STK3: variants seen among roughly 807,000 people sequenced by gnomAD.
The protein encoded by STK3 is serine/threonine-protein kinase 3.
STK3 carries 41 observed loss-of-function variants against 58.0 expected under a neutral mutation model. That is an observed-to-expected ratio of 0.71 (90% confidence interval 0.55 to 0.92). STK3 has a LOEUF of 0.92. Ranked by LOEUF, STK3 falls within the 40% of genes least tolerant of loss-of-function variation. The pLI is 0.00. For synonymous variants in STK3, 170 were observed against 191.0 expected (o/e 0.89, Z 0.91); for missense variants, 479 against 602.7 (o/e 0.79, Z 2.15).
chr8:98,433,231 G>T (rs762390301), intron 3 of STK3, among the ~76,000 whole-genome samples: 4 of 152,104 alleles, frequency 2.6e-5, no homozygotes, highest in Non-Finnish European at 5.9e-5. Flanking sequence ...AGACACCCCT[G>T]CAGGATTTTC....
At chr8:98,815,954 T>C (rs1834514270) in intron 1 of STK3, among the ~76,000 whole-genome samples, 2 of 152,200 alleles carry the variant, frequency 1.3e-5, no homozygotes, top group African/African-American at 2.4e-5. Flanking sequence ...TTAGACATTA[T>C]GATATTCCCA....
chr8:98,652,699 A>T (rs1821061400), intron 6 of STK3, among the ~76,000 whole-genome samples: 1 of 149,420 alleles, frequency 6.7e-6, no homozygotes, highest in Admixed American at 6.7e-5. Context: ...CTGATAAAAC[A>T]GACTTTAAAC....
intron 9 of STK3, among the ~76,000 whole-genome samples, chr8:98,542,909 T>C (rs1341583705): frequency 2.0e-5 from 3 of 152,214 alleles, no homozygotes; most frequent in Admixed American, 6.5e-5. Flanking sequence ...CTCTTCACTA[T>C]ACCACATCAT....
intron 1 of STK3, among the ~76,000 whole-genome samples, chr8:98,897,596 AAAAC>A (rs934696205): frequency 3.9e-4 from 60 of 152,264 alleles, no homozygotes; most frequent in African/African-American, 1.3e-3. Context: ...CTCCGTCTCA[AAAAC>A]AAACAAACAA....
chr8:98,684,523 A>G (rs1823852246), intron 6 of STK3, among the ~76,000 whole-genome samples: 1 of 152,198 alleles, frequency 6.6e-6, no homozygotes, highest in Non-Finnish European at 1.5e-5. Flanking sequence ...TGTTACTTCA[A>G]AAGCAACTTC....
intron 6 of STK3, among the ~76,000 whole-genome samples, chr8:98,600,565 G>A (rs1057201797): frequency 1.3e-5 from 2 of 152,200 alleles, no homozygotes; most frequent in African/African-American, 4.8e-5. Flanking sequence ...CTTAGCATAT[G>A]CTACCTCACA....
chr8:98,583,653 C>T (rs1159143993), intron 7 of STK3, among the ~76,000 whole-genome samples: 6 of 152,064 alleles, frequency 3.9e-5, no homozygotes, highest in Admixed American at 3.9e-4. Context: ...AGGTTATTTC[C>T]TTGAGAATAC....
intron 10 of STK3, among the ~76,000 whole-genome samples, chr8:98,507,794 C>T (rs1412359348): frequency 6.6e-6 from 1 of 152,284 alleles, no homozygotes; most frequent in African/African-American, 2.4e-5. Context: ...GGTCCCTCTA[C>T]TTGGAATGTT....
downstream of STK3, chr8:98,883,605 C>T: frequency 1.4e-6 from 1 of 697,872 alleles, no homozygotes. Flanking sequence ...ACCAAAACTG[C>T]TGCCTGGTCT....
chr8:98,910,544 T>C (rs1336552784), intron 1 of STK3, among the ~76,000 whole-genome samples: 3 of 152,210 alleles, frequency 2.0e-5, no homozygotes, highest in Non-Finnish European at 4.4e-5. Flanking sequence ...GACTTGAACA[T>C]ATGGTGACTC....
At chr8:98,617,596 A>T (rs189385164) in intron 6 of STK3, among the ~76,000 whole-genome samples, 1 of 152,290 alleles carries the variant, frequency 6.6e-6, no homozygotes, top group Admixed American at 6.5e-5. Flanking sequence ...AGAGAGGAAA[A>T]TCAAATCGAC....
intron 6 of STK3, among the ~76,000 whole-genome samples, chr8:98,609,122 A>G (rs1375474374): frequency 6.6e-6 from 1 of 152,214 alleles, no homozygotes; most frequent in Non-Finnish European, 1.5e-5. Flanking sequence ...TGCTCATACT[A>G]CATCACTGAT....
At chr8:98,876,844 T>A (rs1417440148) in intron 3 of STK3, among the ~76,000 whole-genome samples, 10 of 152,236 alleles carry the variant, frequency 6.6e-5, no homozygotes. Flanking sequence ...GCTGTGCAGA[T>A]GAAAACAGAC....
intron 9 of STK3, among the ~76,000 whole-genome samples, chr8:98,537,341 T>C (rs1240516947): frequency 6.6e-6 from 1 of 152,194 alleles, no homozygotes; most frequent in Non-Finnish European, 1.5e-5. Context: ...TTAGGTTTGT[T>C]TTAAAAGTTA....
rs1269714247 is a variant in STK3, at chr8:98,507,932, C to T, written c.1317+18810G>A. On this transcript the variant is annotated intron_variant, in intron 10 of 10. Coordinates refer to ENST00000419617, the MANE Select transcript of STK3 (RefSeq NM_006281.4). Reference sequence around the variant, plus strand: ...CTACTCAATATTGCAAGCCCTTTACCCCAACACCGGCCTCATTACCTTACG... The same window carrying T: ...CTACTCAATATTGCAAGCCCTTTACTCCAACACCGGCCTCATTACCTTACG... 3.3e-5 allele frequency among the ~76,000 whole-genome samples: 5 copies of T among 152,140 alleles called. No homozygotes were observed. In the East Asian group the frequency reaches 9.6e-4, roughly 29 times the overall value.
At position 98,424,451 on chromosome 8, in the gene STK3, T is replaced by G. The variant is rs921389035; in HGVS notation, n.483+9676A>C. 5.3e-5 allele frequency among the ~76,000 whole-genome samples: 8 copies of G among 152,128 alleles called. 1 individual carries two copies. The East Asian group carries it at 1.5e-3, about 29-fold the overall frequency. ...GGAGGAAGGTAGGAGGTCGGGTTGT[T>G]GGCAAGAGCAGGGGCAGAGCTGAGA... On this transcript the variant is annotated intron_variant and non_coding_transcript_variant, in intron 3 of 3. Coordinates refer to the STK3 transcript ENST00000517832.
At chr8:98,918,260 C>T (rs559583909) in intron 1 of STK3, among the ~76,000 whole-genome samples, 1 of 152,300 alleles carries the variant, frequency 6.6e-6, no homozygotes, top group Non-Finnish European at 1.5e-5. Flanking sequence ...TATCAAGTCT[C>T]CCTCTGTGAA....
At chr8:98,723,885 C>T (rs1827616717) in intron 4 of STK3, among the ~76,000 whole-genome samples, 1 of 152,106 alleles carries the variant, frequency 6.6e-6, no homozygotes, top group Admixed American at 6.5e-5. Context: ...TTCAAGAAAT[C>T]ACCCTATATT....
chr8:98,350,596 G>T, the STK3 span, among the ~76,000 whole-genome samples: 1 of 152,200 alleles, frequency 6.6e-6, no homozygotes, highest in African/African-American at 2.4e-5. Context: ...ACAAAAGAAA[G>T]AGGTTTAATG....
Sources: gnomAD v4.1 joint callset for allele counts (sites outside exome capture counted in the v4.1 genomes callset) on GRCh38, gnomAD v4.1.1 for gene constraint, MANE v1.5 for transcripts, NCBI Gene and HGNC (gene_info 2026-07-23, HGNC 2026-07-21) for gene names.